The following TUBGCP5 variants were observed in gnomAD, a reference collection of about 807,000 sequenced individuals.
TUBGCP5 encodes gamma-tubulin complex component 5.
TUBGCP5 carries 98 observed loss-of-function variants against 134.7 expected under a neutral mutation model. The observed-to-expected ratio is 0.73, with a 90% CI of 0.62 to 0.86. The LOEUF (loss-of-function observed/expected upper bound fraction) is 0.86. Among genes scored for constraint, TUBGCP5 ranks in the 40% least tolerant of loss-of-function variants. TUBGCP5 has a pLI of 0.00. For synonymous variants in TUBGCP5, 456 were observed against 431.4 expected, an observed-to-expected ratio of 1.06 and a Z score of -0.71; for missense variants, 1,150 against 1,244.8, an observed-to-expected ratio of 0.92 and a Z score of 1.15.
intron 13 of TUBGCP5, among the ~76,000 whole-genome samples, chr15:23,016,014 G>A (rs1043890811): frequency 1.3e-5 from 2 of 152,106 alleles, no homozygotes; most frequent in African/African-American, 4.8e-5. Context: ...AGACTACAAT[G>A]ATATAGGAAA....
Position 23,008,882 on chromosome 15 carries a change from C to A in TUBGCP5, c.2145-1G>T. On this transcript the variant is annotated splice_acceptor_variant, in intron 15 of 22. Coordinates refer to ENST00000615383, the MANE Select transcript of TUBGCP5 (RefSeq NM_052903.6). LOFTEE classifies it high-confidence loss of function. ...CATAGCTTGCAAGTATTCTACCAAC[C>A]TGAATGGAGAGAAAATGAGTGACAC... is the stretch of plus-strand genomic sequence containing the variant. 1 of 1,548,896 alleles carries A rather than the reference C, an allele frequency of 6.5e-7. No homozygotes were observed. Among genetic ancestry groups the A allele is most frequent in the South Asian group, 1.2e-5 (1 of 80,762 alleles).
chr15:23,030,690 T>C (rs1395525413), intron 6 of TUBGCP5, among the ~76,000 whole-genome samples, 195 bp downstream of exon 6: 2 of 151,988 alleles, frequency 1.3e-5, no homozygotes, highest in Non-Finnish European at 2.9e-5. Flanking sequence ...TCTACATGTA[T>C]GAATTCAACA....
intron 8 of TUBGCP5, 59 bp from the exon 9 acceptor site, chr15:23,024,889 G>T: frequency 2.0e-6 from 2 of 1,012,700 alleles, no homozygotes; most frequent in Non-Finnish European, 3.0e-6. Context: ...ATTCATGACA[G>T]TATGCCCAGG....
intron 1 of TUBGCP5, 35 bp downstream of exon 1, chr15:23,039,363 T>G (rs912098208): frequency 2.2e-6 from 3 of 1,373,360 alleles, no homozygotes; most frequent in Non-Finnish European, 2.9e-6. Flanking sequence ...CTCCGGGCTG[T>G]GGCCGGGAAC....
In TUBGCP5 at chr15:23,026,912, G is replaced by A. The variant is rs184390355; in HGVS notation, c.737+280C>T. On this transcript the variant is annotated intron_variant, in intron 7 of 22. Transcript: ENST00000615383. ...TACGCCACTGCACTCCAGCCAGGGT[G>A]ACAGAGCGAGACTTTGTCTCCCCCT... Among the ~76,000 whole-genome samples, 129 of 152,150 alleles carry A rather than the reference G, an allele frequency of 8.5e-4. 1 individual carries two copies. The highest frequency in any genetic ancestry group is 2.9e-3 in the South Asian group (14 of 4,818).
At position 23,005,861 on chromosome 15, in the gene TUBGCP5, A is replaced by G. The variant is rs947638929; in HGVS notation, c.2533+191T>C. On this transcript the variant is annotated intron_variant, in intron 18 of 22. Transcript: ENST00000615383. ...CAACTTCCTGATCTTTCTTTCAGGC[A>G]TTTGATGTCCATAAAACTACTGCTA... 6.5e-5 allele frequency: 44 copies of G among 678,106 alleles called. No individual in the cohort carries two copies. The East Asian group carries it at 1.0e-3, about 16-fold the overall frequency. The allele number at this position is 678,106 out of a possible 1,614,324, so 42.0% of individuals were successfully genotyped here.
chr15:22,994,779 G>A (rs2063993337), downstream of TUBGCP5, among the ~76,000 whole-genome samples: 1 of 152,126 alleles, frequency 6.6e-6, no homozygotes, highest in South Asian at 2.1e-4. Flanking sequence ...GTTTAATAAA[G>A]ATATGTTTAA....
At chr15:23,002,334 A>G (rs757571112) in intron 21 of TUBGCP5, among the ~76,000 whole-genome samples, 5 of 152,146 alleles carry the variant, frequency 3.3e-5, no homozygotes, top group Non-Finnish European at 7.3e-5. Flanking sequence ...CCTTACTGAC[A>G]TGGAGTAAGT....
chr15:23,003,351 G>A (rs1287246340), intron 20 of TUBGCP5, among the ~76,000 whole-genome samples, 198 bp from the exon 21 acceptor site: 4 of 152,200 alleles, frequency 2.6e-5, no homozygotes, highest in Non-Finnish European at 5.9e-5. Flanking sequence ...TAAGATACAA[G>A]TGATATTAGC....
chr15:23,022,626 G>A (rs2065768362), intron 10 of TUBGCP5, among the ~76,000 whole-genome samples: 1 of 152,316 alleles, frequency 6.6e-6, no homozygotes, highest in East Asian at 1.9e-4. Flanking sequence ...AGCTAGACAT[G>A]TGATAAACTA....
intron 23 of TUBGCP5, among the ~76,000 whole-genome samples, chr15:22,991,315 C>T (rs548464597): frequency 6.6e-6 from 1 of 152,144 alleles, no homozygotes; most frequent in African/African-American, 2.4e-5. Flanking sequence ...AGGCTGGTCT[C>T]GAACTCATGA....
downstream of TUBGCP5, among the ~76,000 whole-genome samples, chr15:22,997,905 T>C (rs2064168899): frequency 6.7e-6 from 1 of 149,754 alleles, no homozygotes; most frequent in Non-Finnish European, 1.5e-5. Flanking sequence ...CATGAGTCAC[T>C]ATGTGTGGCC....
At chr15:22,999,917 A>T (rs1011981068) in intron 22 of TUBGCP5, 51 bp from the exon 23 acceptor site, 2 of 1,597,576 alleles carry the variant, frequency 1.3e-6, no homozygotes, top group African/African-American at 2.7e-5. Context: ...AATGTTGAAA[A>T]AAAATTTTTT....
chr15:23,025,076 A>AT (rs893105475), intron 8 of TUBGCP5, among the ~76,000 whole-genome samples: 2 of 151,912 alleles, frequency 1.3e-5, no homozygotes, highest in Non-Finnish European at 2.9e-5. Context: ...TAATTTTTGC[A>AT]TTTTTTGTAG....
In TUBGCP5 at chr15:23,039,510, C is replaced by G; in HGVS notation, c.34G>C (p.Asp12His). 1 of 1,503,194 alleles carries G rather than the reference C, an allele frequency of 6.7e-7. No individual in the cohort carries two copies. Among genetic ancestry groups the G allele is most frequent in the Non-Finnish European group, 8.9e-7 (1 of 1,117,790 alleles). The allele number at this position is 1,503,194 out of a possible 1,614,324, so 93.1% of individuals were successfully genotyped here. The change falls in exon 1 of 23, where the codon GAC (aspartate) becomes CAC (histidine). Residue 12 changes from aspartate (D) to histidine (H), a missense_variant. Physicochemically the swap from Asp to His is moderately conservative, Grantham distance 81. This residue lies in a region of TUBGCP5 where 453 missense variants were observed against 394.7 expected (regional missense o/e 1.15). Coordinates refer to ENST00000615383, the MANE Select transcript of TUBGCP5 (RefSeq NM_052903.6). Reference protein sequence around the residue: ...ARHGPPWSRLDAQQERDVREL... With the variant: ...ARHGPPWSRLHAQQERDVREL... ...CGCACGTCGCGCTCCTGCTGCGCGT[C>G]CAACCGACTCCACGGTGGCCCGTGC...
At chr15:23,034,302 T>A (rs540775384) in intron 3 of TUBGCP5, among the ~76,000 whole-genome samples, 1 of 152,202 alleles carries the variant, frequency 6.6e-6, no homozygotes, top group East Asian at 1.9e-4. Context: ...CACCTGACAG[T>A]ATGTCAGAAG....
chr15:23,007,706 G>A (rs1217436969), intron 16 of TUBGCP5, among the ~76,000 whole-genome samples: 2 of 152,188 alleles, frequency 1.3e-5, no homozygotes, highest in Non-Finnish European at 2.9e-5. Flanking sequence ...AACATGGTGT[G>A]TATGTGTGCA....
rs753445690 is a variant in TUBGCP5 at position 23,006,160 on chromosome 15, C to T, written c.2425G>A (p.Val809Met). 2.4e-5 allele frequency: 38 copies of T among 1,609,246 alleles called. 1 individual carries two copies. Among genetic ancestry groups the T allele is most frequent in the East Asian group, 1.3e-4 (6 of 44,840 alleles). ...CATTCCAAACTTATAACAATGTCCA[C>T]GGGCCATGGGACCTATGAAACAAAA... ...LTLSYKVPWP[V>M]DIVISLECQK... Residue 809 changes from valine to methionine, a missense_variant, in exon 18 of 23, where the codon GTG becomes ATG. Physicochemically the swap from Val to Met is conservative, Grantham distance 21. This residue lies in a region of TUBGCP5 where 697 missense variants were observed against 850.1 expected (regional missense o/e 0.82). Coordinates refer to ENST00000615383, the MANE Select transcript of TUBGCP5 (RefSeq NM_052903.6).
rs896148231 is a variant in TUBGCP5 at position 23,028,542 on chromosome 15, T to G, written c.623-1236A>C. The stretch of plus-strand genomic sequence containing the variant: ...GGATAAAAGAGAAAAGTTATGAGAT[T>G]ATCTCACGGATAAATAGTAGCATTT... On this transcript the variant is annotated intron_variant, in intron 6 of 22. Coordinates refer to ENST00000615383, the MANE Select transcript of TUBGCP5 (RefSeq NM_052903.6). 4.6e-5 allele frequency among the ~76,000 whole-genome samples: 7 copies of G among 152,212 alleles called. No individual in the cohort carries two copies. The East Asian group carries it at 1.2e-3, about 25-fold the overall frequency.
Sources: allele counts gnomAD v4.1 joint callset (sites outside exome capture counted in the v4.1 genomes callset), GRCh38; gene constraint gnomAD v4.1.1; regional missense constraint gnomAD v4.1.1; transcripts MANE v1.5; gene names NCBI Gene and HGNC (gene_info 2026-07-23, HGNC 2026-07-21).